Variants in ADAMTSL1 observed in about 807,000 individuals in gnomAD.
The protein encoded by ADAMTSL1 is ADAMTS like 1, also known as ADAMTS-like protein 1.
In ADAMTSL1, 126 loss-of-function variants were observed where a neutral mutation model predicts 201.8. The observed-to-expected ratio is 0.62, with a 90% CI of 0.54 to 0.72. The LOEUF (loss-of-function observed/expected upper bound fraction) is 0.72, where lower values mean the gene tolerates loss of function less well. ADAMTSL1 is among the 30% of genes least tolerant of loss of function. The pLI, the probability that ADAMTSL1 is intolerant of heterozygous loss-of-function variation, is 0.00. For synonymous variants in ADAMTSL1, 1,121 were observed against 903.4 expected (o/e 1.24, Z -4.32); for missense variants, 2,679 against 2,277.8 (o/e 1.18, Z -3.59).
At chr9:18,069,455 A>G (rs1822856488) in intron 1 of ADAMTSL1, among the ~76,000 whole-genome samples, 1 of 152,218 alleles carries the variant, frequency 6.6e-6, no homozygotes, top group Admixed American at 6.5e-5. Context: ...CACTGAAACA[A>G]AAGGTTCATA....
chr9:18,881,024 C>A (rs1828498742), intron 23 of ADAMTSL1, among the ~76,000 whole-genome samples: 1 of 152,190 alleles, frequency 6.6e-6, no homozygotes, highest in African/African-American at 2.4e-5. Context: ...TCTGCAGCTT[C>A]CTCACGTCTC....
At chr9:18,563,231 C>T (rs1235820689) in intron 3 of ADAMTSL1, among the ~76,000 whole-genome samples, 3 of 152,236 alleles carry the variant, frequency 2.0e-5, no homozygotes, top group East Asian at 3.9e-4. Flanking sequence ...GATACTATTC[C>T]TTTCTGTTTG....
At chr9:18,576,495 A>G (rs1822737076) in intron 4 of ADAMTSL1, among the ~76,000 whole-genome samples, 1 of 152,134 alleles carries the variant, frequency 6.6e-6, no homozygotes, top group Non-Finnish European at 1.5e-5. Context: ...CCTGTTTAAT[A>G]CTCTTCAAAG....
intron 2 of ADAMTSL1, among the ~76,000 whole-genome samples, chr9:18,392,394 G>C (rs144327950): frequency 6.6e-6 from 1 of 152,300 alleles, no homozygotes; most frequent in Non-Finnish European, 1.5e-5. Flanking sequence ...GCTTTCTATA[G>C]TTCAAACTAT....
At chr9:18,003,671 A>G (rs1330802987) in intron 1 of ADAMTSL1, among the ~76,000 whole-genome samples, 1 of 152,094 alleles carries the variant, frequency 6.6e-6, no homozygotes. Flanking sequence ...ACATAACATC[A>G]TGACCTTTCT....
intron 1 of ADAMTSL1, among the ~76,000 whole-genome samples, chr9:18,098,030 T>G (rs1424680240): frequency 6.6e-6 from 1 of 151,948 alleles, no homozygotes; most frequent in African/African-American, 2.4e-5. Flanking sequence ...AGATCAAGGC[T>G]TATTTTTTTT....
chr9:18,292,361 GTAAAGCAGT>G (rs2132688353), intron 2 of ADAMTSL1, among the ~76,000 whole-genome samples: 1 of 152,298 alleles, frequency 6.6e-6, no homozygotes, highest in Non-Finnish European at 1.5e-5. Flanking sequence ...GAAATGGTAA[GTAAAGCAGT>G]TAACAAGAAA....
intron 23 of ADAMTSL1, among the ~76,000 whole-genome samples, chr9:18,856,666 C>G (rs894272989): frequency 6.6e-6 from 1 of 151,980 alleles, no homozygotes; most frequent in Admixed American, 6.6e-5. Flanking sequence ...TCGTGTTGGC[C>G]AAGCTGGTCT....
At chr9:18,441,266 C>T (rs998268903) in intron 2 of ADAMTSL1, among the ~76,000 whole-genome samples, 6 of 152,084 alleles carry the variant, frequency 3.9e-5, no homozygotes, top group Non-Finnish European at 7.4e-5. Context: ...CTGCATTGTA[C>T]ACTTTAATTC....
intron 2 of ADAMTSL1, among the ~76,000 whole-genome samples, chr9:18,206,145 A>G (rs1199019100): frequency 7.1e-6 from 1 of 141,538 alleles, no homozygotes; most frequent in Non-Finnish European, 1.5e-5. Context: ...ATGTTATCTT[A>G]TTTTTCAATA....
chr9:18,454,717 C>T (rs1041924868), intron 2 of ADAMTSL1, among the ~76,000 whole-genome samples: 20 of 151,980 alleles, frequency 1.3e-4, no homozygotes, highest in Non-Finnish European at 2.2e-4. Context: ...ATTATTCCAC[C>T]TTTTTAAAAT....
At chr9:18,606,009 C>G (rs1435271868) in intron 4 of ADAMTSL1, among the ~76,000 whole-genome samples, 1 of 152,150 alleles carries the variant, frequency 6.6e-6, no homozygotes, top group Non-Finnish European at 1.5e-5. Context: ...GTGGTACAAA[C>G]CAAAAGTTCA....
intron 1 of ADAMTSL1, among the ~76,000 whole-genome samples, chr9:18,478,681 T>C (rs1347528596): frequency 6.6e-6 from 1 of 152,186 alleles, no homozygotes; most frequent in African/African-American, 2.4e-5. Context: ...TGTGGTCTCA[T>C]GAGTAGAGTG....
intron 2 of ADAMTSL1, among the ~76,000 whole-genome samples, chr9:18,445,297 T>C (rs1456319334): frequency 6.6e-6 from 1 of 152,138 alleles, no homozygotes; most frequent in Admixed American, 6.6e-5. Context: ...GTTTTATCCT[T>C]GGGGAAAAAT....
intron 1 of ADAMTSL1, among the ~76,000 whole-genome samples, chr9:17,910,881 A>T (rs984372754): frequency 1.4e-5 from 1 of 68,972 alleles, no homozygotes; most frequent in African/African-American, 2.9e-5. Context: ...CCAGTGCCAG[A>T]TGATTTGAAC....
chr9:18,574,315 C>A, intron 4 of ADAMTSL1, 49 bp downstream of exon 4: 1 of 1,498,850 alleles, frequency 6.7e-7, no homozygotes, highest in Non-Finnish European at 9.3e-7. Context: ...GTTTCAATGT[C>A]TTTGTGTAAA....
At chr9:18,167,039 C>T (rs763731270) in intron 2 of ADAMTSL1, among the ~76,000 whole-genome samples, 1 of 151,926 alleles carries the variant, frequency 6.6e-6, no homozygotes, top group Admixed American at 6.6e-5. Flanking sequence ...GTCTAGAAGC[C>T]ACAGCAGTCA....
At chr9:18,712,949 AT>A (rs1832704227) in intron 14 of ADAMTSL1, among the ~76,000 whole-genome samples, 1 of 151,090 alleles carries the variant, frequency 6.6e-6, no homozygotes, top group Admixed American at 6.6e-5. Context: ...AATATTCAAC[AT>A]TCTTAAAGAA....
chr9:18,723,843 G>A (rs1001543582), intron 15 of ADAMTSL1: 3 of 152,204 alleles, frequency 2.0e-5, no homozygotes, highest in African/African-American at 7.2e-5. Flanking sequence ...ATCTCACTCT[G>A]ATGTCAGAGA....
Sources: allele counts gnomAD v4.1 joint callset (sites outside exome capture counted in the v4.1 genomes callset), GRCh38; gene constraint gnomAD v4.1.1; transcripts MANE v1.5; gene names NCBI Gene and HGNC (gene_info 2026-07-23, HGNC 2026-07-21).